Variants in PANK2 observed in about 807,000 individuals in gnomAD.
The protein encoded by PANK2 is pantothenate kinase 2, mitochondrial.
In PANK2, 36 loss-of-function variants were observed where a neutral mutation model predicts 43.1. That is an observed-to-expected ratio of 0.84 (90% confidence interval 0.64 to 1.10). The LOEUF (loss-of-function observed/expected upper bound fraction) is 1.10, where lower values mean the gene tolerates loss of function less well. Ranked by LOEUF, PANK2 falls within the 50% of genes least tolerant of loss-of-function variation. The pLI is 0.00. For missense variants in PANK2, 576 were observed against 593.3 expected (o/e 0.97, Z 0.30); for synonymous variants, 281 against 238.2 (o/e 1.18, Z -1.66).
At chr20:3,905,262 A>G (rs983020917) in intron 1 of PANK2, among the ~76,000 whole-genome samples, 2 of 151,698 alleles carry the variant, frequency 1.3e-5, no homozygotes, top group African/African-American at 2.4e-5. Flanking sequence ...TCTCACCTTC[A>G]TAGCTGATCC....
At position 3,889,997 on chromosome 20, in the gene PANK2, C is replaced by T. The variant is rs1301052832; in HGVS notation, c.298+269C>T. 6.0e-6 allele frequency: 8 copies of T among 1,342,496 alleles called. No individual in the cohort carries two copies. The African/African-American group carries it at 1.0e-4, about 17-fold the overall frequency. The allele number at this position is 1,342,496 out of a possible 1,614,324, so 83.2% of individuals were successfully genotyped here. A position where few individuals can be genotyped will look rare whatever the true frequency, so the allele number is the denominator to read the frequency against. On this transcript the variant is annotated intron_variant, in intron 1 of 6. Coordinates refer to ENST00000610179, the MANE Select transcript of PANK2 (RefSeq NM_001386393.1). ...CAGGACCTGTCCTCCCTTTTCTTAG[C>T]TCCTTGGGCATTCTCTTCCTGAGGG...
In PANK2 at chr20:3,923,486, T is replaced by G; in HGVS notation, c.*192T>G. 1 of 638,634 alleles carries G rather than the reference T, an allele frequency of 1.6e-6. No homozygotes were observed. Among genetic ancestry groups the G allele is most frequent in the Admixed American group, 2.9e-5 (1 of 34,252 alleles). The allele number at this position is 638,634 out of a possible 1,614,324, so 39.6% of individuals were successfully genotyped here. ...AATTAGCAACCAGGAAGGAAAAATA[T>G]ATTAAAAACAACAAAAAAGTGGCAC... On this transcript the variant is annotated 3_prime_UTR_variant, in exon 7 of 7. Transcript: ENST00000610179.
At chr20:3,915,531 C>T (rs1020089032) in intron 4 of PANK2, among the ~76,000 whole-genome samples, 1 of 151,940 alleles carries the variant, frequency 6.6e-6, no homozygotes, top group Non-Finnish European at 1.5e-5. Context: ...CTCTTGACCT[C>T]GTGATCCGCC....
chr20:3,888,887 C>T (rs1009487849), upstream of PANK2: 5 of 516,988 alleles, frequency 9.7e-6, no homozygotes, highest in African/African-American at 1.9e-5. Flanking sequence ...GGAACTAGGC[C>T]GAGGGACAAA....
intron 1 of PANK2, among the ~76,000 whole-genome samples, chr20:3,899,901 G>C (rs181003116): frequency 1.3e-4 from 19 of 151,552 alleles, no homozygotes; most frequent in African/African-American, 4.6e-4. Flanking sequence ...TAGAGACGGG[G>C]TTTCACCATT....
rs773648432 is a variant in PANK2, at chr20:3,910,744, T to A, written c.819T>A (p.Tyr273Ter). Residue 273 changes from tyrosine to a stop codon, truncating the protein, a stop_gained, in exon 3 of 7, where the codon TAT becomes TAA. Transcript: ENST00000610179. LOFTEE classifies it high-confidence loss of function. ...TACCATTTGATTTGAAAAATCCGTA[T>A]CCTCTGCTTCTGGTGAACATTGGCT... 6.2e-7 allele frequency: 1 copy of A among 1,614,186 alleles called. No individual in the cohort carries two copies. The highest frequency in any genetic ancestry group is 8.5e-7 in the Non-Finnish European group (1 of 1,180,022).
In PANK2 at chr20:3,926,495, G is replaced by A. The variant is rs1484357561; in HGVS notation, c.*3201G>A. On this transcript the variant is annotated 3_prime_UTR_variant, in exon 7 of 7. Coordinates refer to ENST00000610179, the MANE Select transcript of PANK2 (RefSeq NM_001386393.1). ...GGAAGCCACTCGGTCCTAGTGAGGG[G>A]TGGTGAGGAGAGCAGCAACGGCCAC... is the stretch of plus-strand genomic sequence containing the variant. 1 of 152,346 alleles carries A rather than the reference G, an allele frequency of 6.6e-6. No individual in the cohort carries two copies. Among genetic ancestry groups the A allele is most frequent in the Admixed American group, 6.5e-5 (1 of 15,286 alleles). 9.4% of individuals were successfully genotyped at this position (152,346 alleles called of 1,614,324 possible). A position where few individuals can be genotyped will look rare whatever the true frequency, so the allele number is the denominator to read the frequency against.
At chr20:3,917,685 ATTC>A (rs2090584601) in intron 5 of PANK2, 2 of 203,512 alleles carry the variant, frequency 9.8e-6, no homozygotes, top group South Asian at 1.5e-4. Context: ...TTAAGAAGTT[ATTC>A]TTTAGATAAT....
intron 2 of PANK2, among the ~76,000 whole-genome samples, chr20:3,909,631 C>G (rs1568571423): frequency 1.3e-5 from 2 of 152,146 alleles, no homozygotes; most frequent in Non-Finnish European, 2.9e-5. Flanking sequence ...GCCCTGTCAC[C>G]TAGGTTGGAG....
Position 3,928,934 on chromosome 20 carries a change from T to G in PANK2, c.*5640T>G, listed in dbSNP as rs1375468611. ...GGGGATCTTGGCTCACTGCAACTTC[T>G]GTCTCCCGGGTTCAATCAATTCTCC... On this transcript the variant is annotated 3_prime_UTR_variant, in exon 7 of 7. Transcript: ENST00000610179. 1 of 151,732 alleles carries G rather than the reference T, an allele frequency of 6.6e-6. No individual in the cohort carries two copies. The highest frequency in any genetic ancestry group is 6.6e-5 in the Admixed American group (1 of 15,242). The allele number at this position is 151,732 out of a possible 1,614,324, so 9.4% of individuals were successfully genotyped here.
Position 3,908,206 on chromosome 20 carries a change from C to T in PANK2, c.579C>T (p.Asn193=). The T allele has an allele frequency of 6.2e-7, 1 of 1,613,886 alleles. No homozygotes were observed. The highest frequency in any genetic ancestry group is 1.1e-5 in the South Asian group (1 of 91,086). The change falls in exon 2 of 7, where the codon AAC becomes AAT. Residue 193 remains asparagine (N), a synonymous_variant. Transcript: ENST00000610179. ...TTATTCAAATGGGCAGAGATAAAAA[C>T]TTCTCGAGTCTCCACACTGTCTTTT...
At chr20:3,918,819 G>GTA (rs1225599271) in intron 6 of PANK2, 23 bp downstream of exon 6, 3 of 1,614,024 alleles carry the variant, frequency 1.9e-6, no homozygotes, top group Admixed American at 1.7e-5. Context: ...GTTCGTTGTG[G>GTA]TATATTATGT....
intron 4 of PANK2, among the ~76,000 whole-genome samples, chr20:3,914,108 C>G (rs1169426485): frequency 6.6e-6 from 1 of 150,928 alleles, no homozygotes; most frequent in Non-Finnish European, 1.5e-5. Flanking sequence ...ATTTCTAATT[C>G]TATTGGGTAT....
upstream of PANK2, chr20:3,889,224 C>T (rs945125180): frequency 1.2e-6 from 2 of 1,613,158 alleles, no homozygotes; most frequent in African/African-American, 2.7e-5. Flanking sequence ...CACCCTCTCC[C>T]CGCCCCGTCA....
At chr20:3,900,066 T>G (rs2090276594) in intron 1 of PANK2, among the ~76,000 whole-genome samples, 2 of 151,978 alleles carry the variant, frequency 1.3e-5, no homozygotes, top group Non-Finnish European at 2.9e-5. Flanking sequence ...AATGCTTTTT[T>G]GTTTGTGTTG....
At chr20:3,889,307 T>G (rs900359387), upstream of PANK2, 34 of 1,601,188 alleles carry the variant, frequency 2.1e-5, no homozygotes, top group Non-Finnish European at 2.7e-5. Flanking sequence ...GCGAGGCCTT[T>G]GGGCCGTCCC....
intron 1 of PANK2, 25 bp from the exon 2 acceptor site, chr20:3,907,901 T>G (rs754247952): frequency 5.6e-5 from 90 of 1,602,110 alleles, no homozygotes; most frequent in Non-Finnish European, 7.4e-5. Flanking sequence ...AAAGCTGTTC[T>G]GACTTATTTT....
At chr20:3,915,500 A>G (rs1239781629) in intron 4 of PANK2, among the ~76,000 whole-genome samples, 1 of 151,634 alleles carries the variant, frequency 6.6e-6, no homozygotes, top group Non-Finnish European at 1.5e-5. Context: ...GTTTCACCAT[A>G]TTGTCCAGGA....
At chr20:3,920,480 G>A (rs2090628993) in intron 6 of PANK2, among the ~76,000 whole-genome samples, 2 of 152,140 alleles carry the variant, frequency 1.3e-5, no homozygotes, top group Admixed American at 6.5e-5. Flanking sequence ...TCGCACCACT[G>A]TACTACAGCC....
Sources: allele counts gnomAD v4.1 joint callset (sites outside exome capture counted in the v4.1 genomes callset), GRCh38; gene constraint gnomAD v4.1.1; transcripts MANE v1.5; gene names NCBI Gene and HGNC (gene_info 2026-07-23, HGNC 2026-07-21).